The following CORO2B variants were observed in gnomAD, a reference collection of about 807,000 sequenced individuals.
CORO2B encodes coronin 2B.
A neutral mutation model predicts 58.8 loss-of-function variants in CORO2B; 26 were observed. That is an observed-to-expected ratio of 0.44 (90% confidence interval 0.32 to 0.61). The LOEUF (loss-of-function observed/expected upper bound fraction) is 0.61, where lower values mean the gene tolerates loss of function less well. CORO2B is among the 20% of genes least tolerant of loss of function. CORO2B has a pLI of 0.04. For missense variants in CORO2B, 460 were observed against 645.1 expected (o/e 0.71, Z 3.11); for synonymous variants, 242 against 253.8 (o/e 0.95, Z 0.44).
chr15:68,719,136 C>T lies in CORO2B; in HGVS notation c.1081-8C>T. ...CATGTGTCCTCTCTTCTGCTCCTCC[C>T]ACTGTAGTCAGATTCCTACCAGGAA... is the stretch of plus-strand genomic sequence containing the variant. On this transcript the variant is annotated splice_region_variant and splice_polypyrimidine_tract_variant and intron_variant, in intron 9 of 11. Coordinates refer to ENST00000261861, the MANE Select transcript of CORO2B (RefSeq NM_006091.5). 1 of 1,610,956 alleles carries T rather than the reference C, an allele frequency of 6.2e-7. No homozygotes were observed. Among genetic ancestry groups the T allele is most frequent in the African/African-American group, 1.3e-5 (1 of 74,998 alleles).
chr15:68,630,925 T>C (rs1365188903), intron 1 of CORO2B, among the ~76,000 whole-genome samples: 1 of 152,206 alleles, frequency 6.6e-6, no homozygotes, highest in Non-Finnish European at 1.5e-5. Context: ...GAACTTTTCT[T>C]ATGTCTCTCT....
the CORO2B span, among the ~76,000 whole-genome samples, chr15:68,528,809 C>T: frequency 1.3e-5 from 2 of 150,894 alleles, no homozygotes; most frequent in African/African-American, 2.4e-5. Flanking sequence ...TTTTAAATTA[C>T]GAATTCAATT....
At chr15:68,640,129 G>T (rs1181649863) in intron 1 of CORO2B, among the ~76,000 whole-genome samples, 1 of 152,152 alleles carries the variant, frequency 6.6e-6, no homozygotes, top group Non-Finnish European at 1.5e-5. Flanking sequence ...TAGTAATGCA[G>T]GTCCTTCTGC....
At chr15:68,578,440 G>T (rs1899329271), upstream of CORO2B, among the ~76,000 whole-genome samples, 1 of 152,220 alleles carries the variant, frequency 6.6e-6, no homozygotes, top group Non-Finnish European at 1.5e-5. The surrounding 1 kb of genome is among the most constrained non-coding windows in gnomAD (Gnocchi z 4.2). Flanking sequence ...AAGTCATCGC[G>T]GCGGGAATTA....
chr15:68,681,691 AG>A (rs1902792699), intron 2 of CORO2B, among the ~76,000 whole-genome samples: 1 of 152,228 alleles, frequency 6.6e-6, no homozygotes, highest in East Asian at 1.9e-4. Flanking sequence ...AGGGCCAGGC[AG>A]GTAAGTCAGA....
At chr15:68,715,161 T>C in intron 7 of CORO2B, 54 bp from the exon 8 acceptor site, 1 of 1,508,050 alleles carries the variant, frequency 6.6e-7, no homozygotes, top group Non-Finnish European at 9.2e-7. Context: ...GACCAGGCCC[T>C]GCTCTGCCCT....
At chr15:68,541,796 G>A in the CORO2B span, among the ~76,000 whole-genome samples, 2 of 152,180 alleles carry the variant, frequency 1.3e-5, no homozygotes, top group African/African-American at 4.8e-5. Context: ...CGCAGGTGCT[G>A]ATCAAACTCT....
At chr15:68,534,501 C>A in the CORO2B span, among the ~76,000 whole-genome samples, 1 of 152,242 alleles carries the variant, frequency 6.6e-6, no homozygotes, top group African/African-American at 2.4e-5. Flanking sequence ...ATGAACTCAA[C>A]TTTCACTTTA....
At chr15:68,552,256 T>G in the CORO2B span, among the ~76,000 whole-genome samples, 1 of 152,098 alleles carries the variant, frequency 6.6e-6, no homozygotes, top group African/African-American at 2.4e-5. Context: ...CAAAACATCC[T>G]CTTGTTTTGC....
chr15:68,561,597 A>G, the CORO2B span, among the ~76,000 whole-genome samples: 1 of 152,228 alleles, frequency 6.6e-6, no homozygotes, highest in South Asian at 2.1e-4. Flanking sequence ...GAAGATGGAC[A>G]GAGATGCAGA....
chr15:68,572,002 G>A, the CORO2B span, among the ~76,000 whole-genome samples: 6 of 152,232 alleles, frequency 3.9e-5, no homozygotes, highest in African/African-American at 1.2e-4. Flanking sequence ...GAGGGGGGCA[G>A]ACACAGAAGA....
chr15:68,571,924 G>A, the CORO2B span, among the ~76,000 whole-genome samples: 1 of 152,196 alleles, frequency 6.6e-6, no homozygotes, highest in Non-Finnish European at 1.5e-5. Flanking sequence ...ATGTAACCGG[G>A]GTGGTGGTGG....
chr15:68,536,222 A>G, the CORO2B span, among the ~76,000 whole-genome samples: 7 of 152,222 alleles, frequency 4.6e-5, no homozygotes, highest in Non-Finnish European at 7.3e-5. Flanking sequence ...TAATTTTGGA[A>G]TCTTGATCTC....
At chr15:68,722,272 C>A (rs1893179927) in intron 11 of CORO2B, among the ~76,000 whole-genome samples, 1 of 150,772 alleles carries the variant, frequency 6.6e-6, no homozygotes, top group African/African-American at 2.4e-5. Context: ...GGTCTCAGAG[C>A]AGACAAAACA....
chr15:68,527,631 A>G, the CORO2B span, among the ~76,000 whole-genome samples: 3 of 152,176 alleles, frequency 2.0e-5, no homozygotes, highest in African/African-American at 7.2e-5. Context: ...TTCTTTTTCA[A>G]AATTGTTGCA....
rs547617912 is a variant in CORO2B at position 68,688,994 on chromosome 15, G to A, written c.217-6146G>A. Among the ~76,000 whole-genome samples the A allele has an allele frequency of 1.1e-4, 17 of 151,792 alleles. No individual in the cohort carries two copies. The South Asian group carries it at 3.6e-3, about 32-fold the overall frequency. ...ACCCTATCTGCCAATAACTCTGTCT[G>A]TTGGCATTGGCACACAGGGTGTATT... On this transcript the variant is annotated intron_variant, in intron 2 of 11. Transcript: ENST00000261861.
chr15:68,550,020 C>G, the CORO2B span, among the ~76,000 whole-genome samples: 1 of 151,846 alleles, frequency 6.6e-6, no homozygotes, highest in Non-Finnish European at 1.5e-5. Flanking sequence ...CTTAGCTTCT[C>G]TCAATCTTGG....
the CORO2B span, among the ~76,000 whole-genome samples, chr15:68,519,236 C>T: frequency 1.4e-4 from 22 of 152,274 alleles, no homozygotes; most frequent in African/African-American, 4.8e-4. Context: ...AGGAGAAGAC[C>T]TTCAGAAAGC....
intron 6 of CORO2B, 45 bp from the exon 7 acceptor site, chr15:68,714,514 G>A: frequency 6.8e-7 from 1 of 1,479,068 alleles, no homozygotes; most frequent in Non-Finnish European, 9.5e-7. Flanking sequence ...GGAGGGGTAT[G>A]CCATCCTGCC....
Sources: allele counts gnomAD v4.1 joint callset (sites outside exome capture counted in the v4.1 genomes callset), GRCh38; gene constraint gnomAD v4.1.1; non-coding constraint Gnocchi (gnomAD v3.1); transcripts MANE v1.5; gene names NCBI Gene and HGNC (gene_info 2026-07-23, HGNC 2026-07-21).